The following LYPLAL1 variants were observed in gnomAD, a reference collection of about 807,000 sequenced individuals.
LYPLAL1 encodes lysophospholipase-like protein 1.
Under a neutral mutation model 19.7 loss-of-function variants are expected in LYPLAL1, and 23 were observed. The observed-to-expected ratio is 1.17, with a 90% CI of 0.84 to 1.65. LYPLAL1 has a LOEUF of 1.65. Ranked by LOEUF, LYPLAL1 falls within the 40% of genes most tolerant of loss-of-function variation. The probability of loss-of-function intolerance (pLI) is 0.00; values close to 1 mark genes in which losing one functional copy is unlikely to be tolerated. For missense variants in LYPLAL1, 355 were observed against 279.4 expected, an observed-to-expected ratio of 1.27 and a Z score of -1.93; for synonymous variants, 119 against 96.3, an observed-to-expected ratio of 1.24 and a Z score of -1.38.
chr1:219,320,557 A>G, the LYPLAL1 span, among the ~76,000 whole-genome samples: 1 of 152,178 alleles, frequency 6.6e-6, no homozygotes, highest in Non-Finnish European at 1.5e-5. Flanking sequence ...CGTTATTTAC[A>G]TTAGGTATAT....
At chr1:219,287,976 C>A in the LYPLAL1 span, among the ~76,000 whole-genome samples, 1 of 152,192 alleles carries the variant, frequency 6.6e-6, no homozygotes, top group African/African-American at 2.4e-5. Context: ...TGAGGCCTCC[C>A]AGCCATGCTT....
At chr1:219,351,014 A>G in the LYPLAL1 span, among the ~76,000 whole-genome samples, 1 of 152,050 alleles carries the variant, frequency 6.6e-6, no homozygotes, top group Non-Finnish European at 1.5e-5. Context: ...CAAACCATAG[A>G]TAGAAAACAA....
chr1:219,442,013 AC>A, the LYPLAL1 span, among the ~76,000 whole-genome samples: 1 of 152,176 alleles, frequency 6.6e-6, no homozygotes, highest in Non-Finnish European at 1.5e-5. Flanking sequence ...AACAATATTT[AC>A]CTCCCTGGGC....
At chr1:219,290,786 G>T in the LYPLAL1 span, among the ~76,000 whole-genome samples, 1 of 152,196 alleles carries the variant, frequency 6.6e-6, no homozygotes, top group South Asian at 2.1e-4. Flanking sequence ...TCTGGATTGG[G>T]ACCCCTAACA....
chr1:219,209,255 A>T (rs529313123), intron 3 of LYPLAL1, among the ~76,000 whole-genome samples: 2 of 152,194 alleles, frequency 1.3e-5, no homozygotes, highest in East Asian at 1.9e-4. Flanking sequence ...TGCCTTTTTT[A>T]AAAAATCTAA....
the LYPLAL1 span, among the ~76,000 whole-genome samples, chr1:219,445,445 G>A: frequency 6.6e-6 from 1 of 150,946 alleles, no homozygotes; most frequent in Non-Finnish European, 1.5e-5. Flanking sequence ...CAAGTAGACT[G>A]CAGTTGTAAG....
At chr1:219,401,312 C>A in the LYPLAL1 span, among the ~76,000 whole-genome samples, 1 of 111,252 alleles carries the variant, frequency 9.0e-6, no homozygotes, top group African/African-American at 2.8e-5. Flanking sequence ...TGTTTATAAG[C>A]CCCATGCTAG....
At chr1:219,306,833 TAGATAGATAGATAGATAGACAGAC>T in the LYPLAL1 span, among the ~76,000 whole-genome samples, 14 of 128,890 alleles carry the variant, frequency 1.1e-4, no homozygotes, top group South Asian at 8.1e-4. Context: ...GATAGATAGA[TAGATAGATAGATAGATAGACAGAC>T]AGACAGACAG....
At chr1:219,381,457 C>T in the LYPLAL1 span, among the ~76,000 whole-genome samples, 1 of 152,200 alleles carries the variant, frequency 6.6e-6, no homozygotes, top group African/African-American at 2.4e-5. Flanking sequence ...CATGTAGACT[C>T]ACATAAGGTC....
the LYPLAL1 span, among the ~76,000 whole-genome samples, chr1:219,251,912 A>G: frequency 1.3e-5 from 2 of 152,116 alleles, no homozygotes; most frequent in Non-Finnish European, 2.9e-5. Flanking sequence ...ATCCATGAGC[A>G]TGAGCTGTTT....
At chr1:219,206,176 GTTTTA>G (rs1398103260) in intron 3 of LYPLAL1, among the ~76,000 whole-genome samples, 2 of 151,764 alleles carry the variant, frequency 1.3e-5, no homozygotes, top group Non-Finnish European at 2.9e-5. Context: ...GATTGTTTCT[GTTTTA>G]TTTTATATAA....
At chr1:219,305,263 A>G in the LYPLAL1 span, among the ~76,000 whole-genome samples, 3 of 152,172 alleles carry the variant, frequency 2.0e-5, no homozygotes, top group Non-Finnish European at 4.4e-5. Flanking sequence ...GACATGTAAC[A>G]TGGGTAGTTA....
chr1:219,400,063 G>T, the LYPLAL1 span, among the ~76,000 whole-genome samples: 1 of 152,138 alleles, frequency 6.6e-6, no homozygotes. Context: ...CTTCTTGCCA[G>T]TTCCACTCAC....
the LYPLAL1 span, among the ~76,000 whole-genome samples, chr1:219,385,737 T>G: frequency 6.6e-6 from 1 of 152,134 alleles, no homozygotes; most frequent in Admixed American, 6.5e-5. Flanking sequence ...GAAATAAAGA[T>G]AAACAGAGTT....
chr1:219,291,441 A>G, the LYPLAL1 span, among the ~76,000 whole-genome samples: 3 of 152,236 alleles, frequency 2.0e-5, no homozygotes, highest in Non-Finnish European at 2.9e-5. Flanking sequence ...AATCTTCTCT[A>G]CAATCTACTG....
the LYPLAL1 span, among the ~76,000 whole-genome samples, chr1:219,410,967 C>T: frequency 2.0e-5 from 3 of 152,224 alleles, no homozygotes; most frequent in African/African-American, 7.2e-5. Context: ...GCCCGAGCCT[C>T]CCCGACGAGC....
At chr1:219,324,497 G>A in the LYPLAL1 span, among the ~76,000 whole-genome samples, 4 of 152,132 alleles carry the variant, frequency 2.6e-5, no homozygotes, top group South Asian at 2.1e-4. Context: ...CTCTGCACTC[G>A]TGTTTCCTGC....
At chr1:219,260,889 T>TA in the LYPLAL1 span, among the ~76,000 whole-genome samples, 1 of 151,700 alleles carries the variant, frequency 6.6e-6, no homozygotes, top group African/African-American at 2.4e-5. Context: ...TCCTAATCAT[T>TA]AAAAAATAAT....
At chr1:219,252,997 T>C in the LYPLAL1 span, among the ~76,000 whole-genome samples, 68 of 152,140 alleles carry the variant, frequency 4.5e-4, no homozygotes, top group Non-Finnish European at 8.7e-4. Context: ...AAATTTCTTC[T>C]TCCTGGCTCA....
Sources: allele counts gnomAD v4.1 joint callset (sites outside exome capture counted in the v4.1 genomes callset), GRCh38; gene constraint gnomAD v4.1.1; transcripts MANE v1.5; gene names NCBI Gene and HGNC (gene_info 2026-07-23, HGNC 2026-07-21).